Variants in ATG4D observed in about 807,000 individuals in gnomAD.
The protein encoded by ATG4D is autophagy related 4D cysteine peptidase, also known as cysteine protease ATG4D.
A neutral mutation model predicts 55.2 loss-of-function variants in ATG4D; 51 were observed. The ratio of observed to expected loss-of-function variants is 0.92; its 90% CI spans 0.74 to 1.17. The LOEUF (loss-of-function observed/expected upper bound fraction) is 1.17, where lower values mean the gene tolerates loss of function less well. Ranked by LOEUF, ATG4D falls within the 50% of genes most tolerant of loss-of-function variation. The pLI, the probability that ATG4D is intolerant of heterozygous loss-of-function variation, is 0.00. For missense variants in ATG4D, 635 were observed against 649.6 expected, an observed-to-expected ratio of 0.98 and a Z score of 0.25; for synonymous variants, 268 against 266.2, an observed-to-expected ratio of 1.01 and a Z score of -0.07.
chr19:10,543,956 G>C lies in ATG4D; in HGVS notation c.-135G>C, dbSNP rs571613598. ...TGCGGTAGCAGCGGCGGCGGCTGTT[G>C]CCTGGCCCGGTACCCTGGGGACGGG... On this transcript the variant is annotated 5_prime_UTR_variant, in exon 1 of 10. Transcript: ENST00000309469. The C allele has an allele frequency of 5.9e-6, 3 of 507,992 alleles. No individual in the cohort carries two copies. The highest frequency in any genetic ancestry group is 4.0e-5 in the African/African-American group (2 of 50,126). The allele number at this position is 507,992 out of a possible 1,614,324, so 31.5% of individuals were successfully genotyped here.
At chr19:10,551,707 A>AG (rs1190056674) in intron 6 of ATG4D, among the ~76,000 whole-genome samples, 190 bp from the exon 7 acceptor site, 16 of 151,608 alleles carry the variant, frequency 1.1e-4, no homozygotes, top group African/African-American at 3.6e-4. Flanking sequence ...CAAAAAAAAA[A>AG]AAAAAAAAAA....
chr19:10,553,103 ATTTT>A lies in ATG4D; in HGVS notation c.*40_*43del. The A allele has an allele frequency of 6.5e-7, 1 of 1,548,378 alleles. No individual in the cohort carries two copies. The highest frequency in any genetic ancestry group is 8.7e-7 in the Non-Finnish European group (1 of 1,148,260). ...TGAGGGGAAAGATACAACACTATTT[ATTTT>A]TTTATTTATGTCATGTCGGGTGTGG... On this transcript the variant is annotated 3_prime_UTR_variant, in exon 10 of 10. Transcript: ENST00000309469.
At chr19:10,545,499 G>C (rs1916005132) in intron 3 of ATG4D, among the ~76,000 whole-genome samples, 1 of 152,036 alleles carries the variant, frequency 6.6e-6, no homozygotes, top group Non-Finnish European at 1.5e-5. Flanking sequence ...TTGAACCCAG[G>C]AGGCGGAGGT....
Position 10,553,081 on chromosome 19 carries a change from G to C in ATG4D, c.*14G>C. 6.3e-7 allele frequency: 1 copy of C among 1,587,522 alleles called. No homozygotes were observed. Among genetic ancestry groups the C allele is most frequent in the Non-Finnish European group, 8.6e-7 (1 of 1,168,440 alleles). Reference sequence around the variant, plus strand: ...GTGTTTTTATAAAGGGAGGGGATGAGGGGAAAGATACAACACTATTTATTT... The same window carrying C: ...GTGTTTTTATAAAGGGAGGGGATGACGGGAAAGATACAACACTATTTATTT... On this transcript the variant is annotated 3_prime_UTR_variant, in exon 10 of 10. Transcript: ENST00000309469.
chr19:10,545,587 A>T (rs1482516678), intron 3 of ATG4D, among the ~76,000 whole-genome samples: 1 of 143,100 alleles, frequency 7.0e-6, no homozygotes. Context: ...TAAAAATAAA[A>T]AAAAGTTTCA....
intron 6 of ATG4D, 94 bp downstream of exon 6, chr19:10,549,128 C>CTTT: frequency 1.4e-5 from 16 of 1,139,816 alleles, no homozygotes; most frequent in East Asian, 3.2e-5. Flanking sequence ...GCCCTCATCA[C>CTTT]TTTTTTTTTT....
Position 10,551,948 on chromosome 19 carries a change from C to T in ATG4D, c.1018C>T (p.His340Tyr), listed in dbSNP as rs1916260070. Residue 340 changes from histidine to tyrosine, a missense_variant, in exon 7 of 10, where the codon CAC (histidine) becomes TAC (tyrosine). Coordinates refer to ENST00000309469, the MANE Select transcript of ATG4D (RefSeq NM_032885.6). ...GGGCATCATGGGTGGGAAACCGCGA[C>T]ACTCACTGTACTTCATTGGCTACCA... ...CLGIMGGKPR[H>Y]SLYFIGYQDD... 1.2e-6 allele frequency: 2 copies of T among 1,613,812 alleles called. No homozygotes were observed. Among genetic ancestry groups the T allele is most frequent in the Non-Finnish European group, 8.5e-7 (1 of 1,179,978 alleles).
chr19:10,552,888 C>A lies in ATG4D; in HGVS notation c.1246C>A (p.Leu416Ile). Residue 416 changes from leucine (L) to isoleucine (I), a missense_variant, in exon 10 of 10, where the codon CTC becomes ATC. Physicochemically the swap from Leu to Ile is conservative, Grantham distance 5. Coordinates refer to ENST00000309469, the MANE Select transcript of ATG4D (RefSeq NM_032885.6). Reference sequence around the variant, plus strand: ...CCTGTCTCCCTCTTCCCGCCAGGTCCTCAGCTCCTCCTCAGCCACAGAGCG... The same window carrying A: ...CCTGTCTCCCTCTTCCCGCCAGGTCATCAGCTCCTCCTCAGCCACAGAGCG... ...ETLCSELTRV[L>I]SSSSATERYP... is the part of the protein sequence containing the mutation. 6.2e-7 allele frequency: 1 copy of A among 1,607,010 alleles called. No individual in the cohort carries two copies. Among genetic ancestry groups the A allele is most frequent in the Non-Finnish European group, 8.5e-7 (1 of 1,176,266 alleles).
rs1916264762 is a variant in ATG4D at position 10,551,998 on chromosome 19, C to A, written c.1045+23C>A. On this transcript the variant is annotated intron_variant, in intron 7 of 9. Coordinates refer to ENST00000309469, the MANE Select transcript of ATG4D (RefSeq NM_032885.6). ...AAGGTAGGCCCACCCCCTCCTCACT[C>A]CTCCCACCCCCCACCGCACCCCCAC... 4 of 1,525,758 alleles carry A rather than the reference C, an allele frequency of 2.6e-6. No homozygotes were observed. In the South Asian group the frequency reaches 4.5e-5, roughly 17 times the overall value. 94.5% of individuals were successfully genotyped at this position (1,525,758 alleles called of 1,614,324 possible).
In ATG4D at chr19:10,553,319, C is replaced by G. The variant is rs1039712798; in HGVS notation, c.*252C>G. On this transcript the variant is annotated 3_prime_UTR_variant, in exon 10 of 10. Coordinates refer to ENST00000309469, the MANE Select transcript of ATG4D (RefSeq NM_032885.6). ...CGGGCACCCCCCTCAGGGCCTGACT[C>G]ACGTACTGTAGTTTGCACTGGACGC... 5.1e-5 allele frequency: 25 copies of G among 486,856 alleles called. No individual in the cohort carries two copies. Among genetic ancestry groups the G allele is most frequent in the Non-Finnish European group, 7.7e-5 (21 of 272,382 alleles). 30.2% of individuals were successfully genotyped at this position (486,856 alleles called of 1,614,324 possible).
Position 10,552,465 on chromosome 19 carries a change from T to C in ATG4D, c.1242+141T>C, listed in dbSNP as rs2304164. On this transcript the variant is annotated intron_variant, in intron 9 of 9. Transcript: ENST00000309469. ...GTCCTAACCTGGGAAATGTGAAGAATGTCCACCCCTGAAAAGGTGGGAACG... is the reference window on the plus strand; with the variant it reads ...GTCCTAACCTGGGAAATGTGAAGAACGTCCACCCCTGAAAAGGTGGGAACG... 4.7e-3 allele frequency: 5,650 copies of C among 1,190,444 alleles called. 125 individuals are homozygous for C. In the African/African-American group the frequency reaches 0.055, roughly 12 times the overall value. The allele number at this position is 1,190,444 out of a possible 1,614,324, so 73.7% of individuals were successfully genotyped here. A position where few individuals can be genotyped will look rare whatever the true frequency, so the allele number is the denominator to read the frequency against.
chr19:10,547,807 C>G (rs545896100), intron 5 of ATG4D, among the ~76,000 whole-genome samples: 2 of 151,044 alleles, frequency 1.3e-5, no homozygotes, highest in African/African-American at 4.9e-5. Context: ...AGCGATTCTC[C>G]TGCCTCAGCC....
rs879685414 is a variant in ATG4D at position 10,545,866 on chromosome 19, CA to C, written c.493+749del. Among the ~76,000 whole-genome samples the C allele has an allele frequency of 9.4e-3, 1,207 of 128,848 alleles. 13 individuals are homozygous for C. Among genetic ancestry groups the C allele is most frequent in the African/African-American group, 0.027 (953 of 34,994 alleles). 84.5% of individuals were successfully genotyped at this position (128,848 alleles called of 152,430 possible). A position where few individuals can be genotyped will look rare whatever the true frequency, so the allele number is the denominator to read the frequency against. On this transcript the variant is annotated intron_variant, in intron 3 of 9. Coordinates refer to ENST00000309469, the MANE Select transcript of ATG4D (RefSeq NM_032885.6). ...TGGGTGGCAGAGCGAGACTCAGTCT[CA>C]AAAAAAAAAAAAGAGTTTTGGCTGG... is the stretch of plus-strand genomic sequence containing the variant.
intron 3 of ATG4D, 124 bp from the exon 4 acceptor site, chr19:10,546,715 G>T: frequency 9.8e-7 from 1 of 1,020,812 alleles, no homozygotes. Context: ...TATGTTTCAG[G>T]AATATGTAAA....
rs60924749 is a variant in ATG4D, at chr19:10,548,003, A to ATTTTTTT, written c.835+789_835+795dup. ...TGAGCCACTGTGCCCAGCCCCTGTAATTTTTTTTTTTTTTTTTTTTTTTTT... is the reference window on the plus strand; with the variant it reads ...TGAGCCACTGTGCCCAGCCCCTGTAATTTTTTTTTTTTTTTTTTTTTTTTTTTTTTTT... On this transcript the variant is annotated intron_variant, in intron 5 of 9. Transcript: ENST00000309469. Among the ~76,000 whole-genome samples, 25 of 34,998 alleles carry ATTTTTTT rather than the reference A, an allele frequency of 7.1e-4. 7 individuals are homozygous for ATTTTTTT. Among genetic ancestry groups the ATTTTTTT allele is most frequent in the Non-Finnish European group, 1.2e-3 (23 of 19,014 alleles). The allele number at this position is 34,998 out of a possible 152,430, so 23.0% of individuals were successfully genotyped here.
At chr19:10,548,381 C>T (rs1360200741) in intron 5 of ATG4D, among the ~76,000 whole-genome samples, 2 of 151,934 alleles carry the variant, frequency 1.3e-5, no homozygotes, top group Non-Finnish European at 2.9e-5. Context: ...GGAAAAGATT[C>T]GATTTTCAGA....
Position 10,546,940 on chromosome 19 carries a change from T to C in ATG4D, c.595T>C (p.Trp199Arg). ...HGPARWMPPR[W>R]AQGAPELEQE... Reference sequence around the variant, plus strand: ...GCCTGCCCGCTGGATGCCCCCACGCTGGGCCCAGGGTGCCCCTGAGCTGGA... The same window carrying C: ...GCCTGCCCGCTGGATGCCCCCACGCCGGGCCCAGGGTGCCCCTGAGCTGGA... Residue 199 changes from tryptophan to arginine, a missense_variant, in exon 4 of 10, where the codon TGG becomes CGG. Coordinates refer to ENST00000309469, the MANE Select transcript of ATG4D (RefSeq NM_032885.6). 6.2e-7 allele frequency: 1 copy of C among 1,612,194 alleles called. No homozygotes were observed. The highest frequency in any genetic ancestry group is 8.5e-7 in the Non-Finnish European group (1 of 1,179,500).
chr19:10,551,153 T>G (rs1916211071), intron 6 of ATG4D: 2 of 152,238 alleles, frequency 1.3e-5, no homozygotes, highest in African/African-American at 4.8e-5. Flanking sequence ...CATATAGTTA[T>G]CACCTCTAAC....
chr19:10,552,174 C>T, intron 8 of ATG4D, 31 bp from the exon 9 acceptor site: 2 of 1,610,294 alleles, frequency 1.2e-6, no homozygotes, highest in Non-Finnish European at 1.7e-6. Context: ...GGCAGCCCAG[C>T]CTCTGAGCCT....
Sources: gnomAD v4.1 joint callset for allele counts (sites outside exome capture counted in the v4.1 genomes callset) on GRCh38, gnomAD v4.1.1 for gene constraint, MANE v1.5 for transcripts, NCBI Gene and HGNC (gene_info 2026-07-23, HGNC 2026-07-21) for gene names.